MTHFD2L: variants seen among roughly 807,000 people sequenced by gnomAD.
MTHFD2L encodes bifunctional methylenetetrahydrofolate dehydrogenase/cyclohydrolase 2, mitochondrial.
In MTHFD2L, 29 loss-of-function variants were observed where a neutral mutation model predicts 34.9. The observed-to-expected ratio is 0.83, with a 90% CI of 0.62 to 1.13. The LOEUF is 1.13. Ranked by LOEUF, MTHFD2L falls within the 50% of genes most tolerant of loss-of-function variation. The pLI is 0.00. For missense variants in MTHFD2L, 481 were observed against 446.5 expected, an observed-to-expected ratio of 1.08 and a Z score of -0.70; for synonymous variants, 167 against 155.7, an observed-to-expected ratio of 1.07 and a Z score of -0.54.
At chr4:74,243,026 C>G (rs1318013698) in intron 6 of MTHFD2L, among the ~76,000 whole-genome samples, 3 of 152,080 alleles carry the variant, frequency 2.0e-5, no homozygotes, top group Non-Finnish European at 4.4e-5. Flanking sequence ...ACAAATGTAA[C>G]AGCAAAATTT....
intron 5 of MTHFD2L, among the ~76,000 whole-genome samples, chr4:74,224,666 A>C (rs1361505499): frequency 6.6e-6 from 1 of 152,060 alleles, no homozygotes; most frequent in Non-Finnish European, 1.5e-5. Context: ...CTTTCATATA[A>C]AATCTTCCTG....
At chr4:74,136,054 T>A (rs1722903033) in intron 1 of MTHFD2L, among the ~76,000 whole-genome samples, 1 of 152,068 alleles carries the variant, frequency 6.6e-6, no homozygotes, top group Admixed American at 6.6e-5. Context: ...AGGCCTTTCC[T>A]CTAAAGGCTA....
intron 3 of MTHFD2L, 56 bp from the exon 4 acceptor site, chr4:74,199,738 C>T: frequency 1.4e-6 from 2 of 1,455,498 alleles, no homozygotes; most frequent in Non-Finnish European, 9.3e-7. Flanking sequence ...TTTCATTTTT[C>T]AGGCTACCAA....
At chr4:74,209,079 A>G (rs1369869394) in intron 5 of MTHFD2L, among the ~76,000 whole-genome samples, 2 of 152,176 alleles carry the variant, frequency 1.3e-5, no homozygotes, top group African/African-American at 2.4e-5. Flanking sequence ...ATTAGAAAAC[A>G]TGTATCAAAA....
chr4:74,279,163 G>A (rs929039588), intron 6 of MTHFD2L, among the ~76,000 whole-genome samples: 1 of 151,858 alleles, frequency 6.6e-6, no homozygotes, highest in African/African-American at 2.4e-5. Flanking sequence ...ACATTTTTAT[G>A]GTAATCCATA....
intron 3 of MTHFD2L, among the ~76,000 whole-genome samples, chr4:74,185,738 T>C (rs1410567706): frequency 1.3e-5 from 2 of 152,206 alleles, no homozygotes; most frequent in African/African-American, 2.4e-5. Flanking sequence ...AGAAATGTCT[T>C]AATAGCTCTG....
At chr4:74,254,528 A>G (rs913930220) in intron 6 of MTHFD2L, among the ~76,000 whole-genome samples, 5 of 151,860 alleles carry the variant, frequency 3.3e-5, no homozygotes, top group Admixed American at 2.6e-4. Flanking sequence ...TCAACTAAGT[A>G]TAATATATCA....
intron 6 of MTHFD2L, among the ~76,000 whole-genome samples, chr4:74,274,381 AC>A (rs2110256098): frequency 6.6e-6 from 1 of 152,266 alleles, no homozygotes; most frequent in East Asian, 1.9e-4. Context: ...TTCATGGGGA[AC>A]TTTAAATAAC....
rs750960482 is a variant in MTHFD2L, at chr4:74,199,819, C to T, written c.477C>T (p.Cys159=). The change falls in exon 4 of 8, where the codon TGC becomes TGT. Residue 159 remains cysteine (C), a synonymous_variant. Coordinates refer to ENST00000325278, the MANE Select transcript of MTHFD2L (RefSeq NM_001144978.3). The part of the protein sequence containing the change: ...LPDHVDERTI[C]NGIAPEKDVD... ...ACCACGTTGATGAGCGAACAATATG[C>T]AATGGAATTGCCCCAGAAAAAGATG... is the stretch of plus-strand genomic sequence containing the variant. 4.3e-6 allele frequency: 7 copies of T among 1,612,352 alleles called. No individual in the cohort carries two copies. Among genetic ancestry groups the T allele is most frequent in the Non-Finnish European group, 5.9e-6 (7 of 1,178,992 alleles).
At chr4:74,118,133 TA>T (rs1721686832) in intron 2 of MTHFD2L, among the ~76,000 whole-genome samples, 1 of 152,188 alleles carries the variant, frequency 6.6e-6, no homozygotes, top group African/African-American at 2.4e-5. Context: ...TTCTATTAAA[TA>T]ACATTATTAA....
chr4:74,291,003 C>CCTTTTTTTTTTTTTTTTTTTTTTTTTTTT (rs1748846516), intron 7 of MTHFD2L, among the ~76,000 whole-genome samples: 2 of 29,272 alleles, frequency 6.8e-5, no homozygotes, highest in Non-Finnish European at 1.3e-4. Flanking sequence ...TTTTCCTTTT[C>CCTTTTTTTTTTTTTTTTTTTTTTTTTTTT]TTTTTTTTTT....
intron 7 of MTHFD2L, among the ~76,000 whole-genome samples, chr4:74,292,434 G>A (rs1702601283): frequency 6.6e-6 from 1 of 152,104 alleles, no homozygotes; most frequent in African/African-American, 2.4e-5. Context: ...ACCTATGGAA[G>A]GGAGATTTTA....
intron 6 of MTHFD2L, among the ~76,000 whole-genome samples, chr4:74,255,327 C>A (rs1408776220): frequency 6.6e-6 from 1 of 151,676 alleles, no homozygotes; most frequent in East Asian, 1.9e-4. Flanking sequence ...ATGTGAGCTT[C>A]ATGGTAACCA....
At chr4:74,254,696 A>G (rs980493732) in intron 6 of MTHFD2L, among the ~76,000 whole-genome samples, 2 of 152,182 alleles carry the variant, frequency 1.3e-5, no homozygotes, top group Non-Finnish European at 2.9e-5. Context: ...ACATAAAAAC[A>G]GGTATAAAAC....
intron 6 of MTHFD2L, among the ~76,000 whole-genome samples, chr4:74,249,586 T>C (rs1186207717): frequency 6.6e-6 from 1 of 152,234 alleles, no homozygotes. Context: ...TGATGGTCTT[T>C]ACATTTTGGC....
chr4:74,243,877 G>A (rs1742054059), intron 6 of MTHFD2L, among the ~76,000 whole-genome samples: 1 of 152,170 alleles, frequency 6.6e-6, no homozygotes, highest in African/African-American at 2.4e-5. Context: ...TGGGCTCTGT[G>A]AAATTTGGCC....
At chr4:74,178,058 CA>C (rs1560451513) in intron 3 of MTHFD2L, among the ~76,000 whole-genome samples, 2 of 151,672 alleles carry the variant, frequency 1.3e-5, no homozygotes, top group Non-Finnish European at 2.9e-5. Context: ...CTCATGGAAA[CA>C]TAGAGTTAAT....
At chr4:74,234,795 C>CGTGTGTG (rs576512591) in intron 6 of MTHFD2L, among the ~76,000 whole-genome samples, 1 of 113,662 alleles carries the variant, frequency 8.8e-6, no homozygotes, top group Non-Finnish European at 1.7e-5. Context: ...GAAAAGGAGA[C>CGTGTGTG]AGTGTGTGTG....
chr4:74,173,822 A>T (rs1728487775), intron 1 of MTHFD2L, among the ~76,000 whole-genome samples: 1 of 152,110 alleles, frequency 6.6e-6, no homozygotes, highest in Admixed American at 6.5e-5. Context: ...TGAATACATA[A>T]ATGTGTGTAT....
Sources: allele counts gnomAD v4.1 joint callset (sites outside exome capture counted in the v4.1 genomes callset), GRCh38; gene constraint gnomAD v4.1.1; transcripts MANE v1.5; gene names NCBI Gene and HGNC (gene_info 2026-07-23, HGNC 2026-07-21).